The following SBDS variants were observed in gnomAD, a reference collection of about 807,000 sequenced individuals.
SBDS encodes ribosome maturation protein SBDS.
SBDS carries 20 observed loss-of-function variants against 26.4 expected under a neutral mutation model. The ratio of observed to expected loss-of-function variants is 0.76; its 90% CI spans 0.53 to 1.10. The LOEUF is 1.10. SBDS is among the 50% of genes least tolerant of loss of function. The probability of loss-of-function intolerance (pLI) is 0.00; values close to 1 mark genes in which losing one functional copy is unlikely to be tolerated. For synonymous variants in SBDS, 95 were observed against 105.1 expected (o/e 0.90, Z 0.59); for missense variants, 241 against 302.0 (o/e 0.80, Z 1.50).
intron 2 of SBDS, 130 bp from the exon 3 acceptor site, chr7:66,993,547 G>A: frequency 1.3e-6 from 1 of 757,204 alleles, no homozygotes. Flanking sequence ...CTATCAATAT[G>A]TAAGTAATGG....
rs1792901211 is a variant in SBDS, at chr7:66,987,913, C to T, written c.*458G>A. 2 of 217,664 alleles carry T rather than the reference C, an allele frequency of 9.2e-6. No homozygotes were observed. The highest frequency in any genetic ancestry group is 5.5e-5 in the Admixed American group (1 of 18,312). 13.5% of individuals were successfully genotyped at this position (217,664 alleles called of 1,614,324 possible). A position where few individuals can be genotyped will look rare whatever the true frequency, so the allele number is the denominator to read the frequency against. On this transcript the variant is annotated 3_prime_UTR_variant, in exon 5 of 5. Transcript: ENST00000246868. ...GGAACATCATCCAAGCTTTACATTACGATACCATAATGACCCTCAGAACAC... is the reference window on the plus strand; with the variant it reads ...GGAACATCATCCAAGCTTTACATTATGATACCATAATGACCCTCAGAACAC...
chr7:66,988,273 A>C lies in SBDS; in HGVS notation c.*98T>G, dbSNP rs1393952884. On this transcript the variant is annotated 3_prime_UTR_variant, in exon 5 of 5. Transcript: ENST00000246868. ...GTTAACACAAAGATAGAAAATGTCA[A>C]ATAGTTTAAGCAAGTATTTGGCAGA... 23 of 1,320,896 alleles carry C rather than the reference A, an allele frequency of 1.7e-5. No homozygotes were observed. The highest frequency in any genetic ancestry group is 2.5e-5 in the Non-Finnish European group (23 of 927,864). 81.8% of individuals were successfully genotyped at this position (1,320,896 alleles called of 1,614,324 possible).
rs1044385030 is a variant in SBDS, at chr7:66,995,193, C to A, written c.128+97G>T. On this transcript the variant is annotated intron_variant, in intron 1 of 4. Transcript: ENST00000246868. ...GTTCCATTTCCTCCCCGGCCAACACCCCAGCCTGGCCCATTCACTCGACTT... is the reference window on the plus strand; with the variant it reads ...GTTCCATTTCCTCCCCGGCCAACACACCAGCCTGGCCCATTCACTCGACTT... The A allele has an allele frequency of 4.5e-6, 7 of 1,550,142 alleles. No homozygotes were observed. In the African/African-American group the frequency reaches 9.5e-5, roughly 21 times the overall value.
chr7:66,994,351 G>A lies in SBDS; in HGVS notation c.129-10C>T. 1 of 1,612,748 alleles carries A rather than the reference G, an allele frequency of 6.2e-7. No individual in the cohort carries two copies. Among genetic ancestry groups the A allele is most frequent in the Non-Finnish European group, 8.5e-7 (1 of 1,178,982 alleles). On this transcript the variant is annotated splice_polypyrimidine_tract_variant and intron_variant, in intron 1 of 4. Coordinates refer to ENST00000246868, the MANE Select transcript of SBDS (RefSeq NM_016038.4). ...ATCGAGGTCTTTTTCCCTTGTGAGGGCAGGAGAGAAAGTCCTATGTGAATA... is the reference window on the plus strand; with the variant it reads ...ATCGAGGTCTTTTTCCCTTGTGAGGACAGGAGAGAAAGTCCTATGTGAATA...
chr7:66,992,408 A>C (rs1387539134), intron 3 of SBDS, among the ~76,000 whole-genome samples: 3 of 152,180 alleles, frequency 2.0e-5, no homozygotes, highest in Admixed American at 6.6e-5. Context: ...GGAAGGTTCC[A>C]AAACTTTGTT....
At chr7:66,989,326 A>G (rs1792928081) in intron 4 of SBDS, among the ~76,000 whole-genome samples, 1 of 151,800 alleles carries the variant, frequency 6.6e-6, no homozygotes, top group African/African-American at 2.4e-5. Context: ...CGGGTGGATC[A>G]CCTGAGGTCG....
At position 66,995,281 on chromosome 7, in the gene SBDS, G is replaced by T. The variant is rs371417670; in HGVS notation, c.128+9C>A. ...CCCAGGCCCAGGCCCGAGGGAGGGGGCTACTCACACGCCGCTCCGCCAGCC... is the reference window on the plus strand; with the variant it reads ...CCCAGGCCCAGGCCCGAGGGAGGGGTCTACTCACACGCCGCTCCGCCAGCC... On this transcript the variant is annotated intron_variant, in intron 1 of 4. Coordinates refer to ENST00000246868, the MANE Select transcript of SBDS (RefSeq NM_016038.4). 2.3e-5 allele frequency: 37 copies of T among 1,613,506 alleles called. No homozygotes were observed. The highest frequency in any genetic ancestry group is 3.0e-5 in the Non-Finnish European group (35 of 1,179,960).
rs761617920 is a variant in SBDS, at chr7:66,988,328, C to T, written c.*43G>A. The T allele has an allele frequency of 7.5e-6, 12 of 1,606,518 alleles. No homozygotes were observed. The highest frequency in any genetic ancestry group is 1.7e-5 in the Admixed American group (1 of 59,966). The stretch of plus-strand genomic sequence containing the variant: ...AGACATGAAACAGTGCCGTCGGAAA[C>T]GGAAACACTTTAGTGTTTTAGAGGT... On this transcript the variant is annotated 3_prime_UTR_variant, in exon 5 of 5. Coordinates refer to ENST00000246868, the MANE Select transcript of SBDS (RefSeq NM_016038.4).
intron 1 of SBDS, 77 bp from the exon 2 acceptor site, chr7:66,994,418 G>A: frequency 1.6e-6 from 2 of 1,270,630 alleles, no homozygotes; most frequent in South Asian, 1.2e-5. Context: ...AATACGAGAT[G>A]GCAACAACAT....
intron 4 of SBDS, among the ~76,000 whole-genome samples, chr7:66,990,020 C>CTTTTTT (rs71293171): frequency 7.1e-6 from 1 of 141,396 alleles, no homozygotes; most frequent in Non-Finnish European, 1.5e-5. Flanking sequence ...AGAATTCAAT[C>CTTTTTT]TTTTTTTTTT....
chr7:66,990,101 C>A (rs1429364605), intron 4 of SBDS, among the ~76,000 whole-genome samples: 1 of 151,268 alleles, frequency 6.6e-6, no homozygotes, highest in Admixed American at 6.6e-5. Flanking sequence ...CTCACCGCAA[C>A]CTCTGCCTTC....
intron 4 of SBDS, among the ~76,000 whole-genome samples, chr7:66,989,274 G>A (rs1167961574): frequency 3.3e-5 from 5 of 151,902 alleles, no homozygotes; most frequent in Admixed American, 6.6e-5. Context: ...GACAGGGCGC[G>A]GTGGCTCAAG....
chr7:66,993,845 C>G (rs893396201), intron 2 of SBDS, among the ~76,000 whole-genome samples: 5 of 151,568 alleles, frequency 3.3e-5, no homozygotes, highest in African/African-American at 1.2e-4. Context: ...GTGCACTGCA[C>G]TCCAGCCTGG....
rs113993996 is a variant in SBDS at position 66,991,256 on chromosome 7, G to A, written c.505C>T (p.Arg169Cys). Residue 169 changes from arginine (R) to cysteine (C), a missense_variant, in exon 4 of 5, where the codon CGT becomes TGT. Coordinates refer to ENST00000246868, the MANE Select transcript of SBDS (RefSeq NM_016038.4). Reference sequence around the variant, plus strand: ...ATGAACCGAAGCCTCATGTGAGCACGTTCTATCTTCATTTTCTCTTTTAAC... The same window carrying A: ...ATGAACCGAAGCCTCATGTGAGCACATTCTATCTTCATTTTCTCTTTTAAC... ...KQLKEKMKIE[R>C]AHMRLRFILP... 15 of 1,613,264 alleles carry A rather than the reference G, an allele frequency of 9.3e-6. No individual in the cohort carries two copies. Among genetic ancestry groups the A allele is most frequent in the East Asian group, 2.2e-5 (1 of 44,880 alleles).
At position 66,995,210 on chromosome 7, in the gene SBDS, A is replaced by G. The variant is rs60712404; in HGVS notation, c.128+80T>C. 0.011 allele frequency: 16,862 copies of G among 1,591,180 alleles called. 1,475 individuals are homozygous for G. The African/African-American group carries it at 0.19, about 18-fold the overall frequency. Reference sequence around the variant, plus strand: ...GCCAACACCCCAGCCTGGCCCATTCACTCGACTTGGGCAGAGACAGGCCGC... The same window carrying G: ...GCCAACACCCCAGCCTGGCCCATTCGCTCGACTTGGGCAGAGACAGGCCGC... On this transcript the variant is annotated intron_variant, in intron 1 of 4. Coordinates refer to ENST00000246868, the MANE Select transcript of SBDS (RefSeq NM_016038.4).
intron 3 of SBDS, among the ~76,000 whole-genome samples, chr7:66,992,101 A>ACC (rs1792987499): frequency 6.6e-6 from 1 of 152,370 alleles, no homozygotes; most frequent in South Asian, 2.1e-4. Flanking sequence ...AGTGAAAGCA[A>ACC]CCCAATGTCT....
rs774761244 is a variant in SBDS at position 66,993,409 on chromosome 7, A to C, written c.267T>G (p.Thr89=). 5 of 1,613,502 alleles carry C rather than the reference A, an allele frequency of 3.1e-6. No individual in the cohort carries two copies. In the African/African-American group the frequency reaches 5.3e-5, roughly 17 times the overall value. The change falls in exon 3 of 5, where the codon ACT becomes ACG. Residue 89 remains threonine, a synonymous_variant. Coordinates refer to ENST00000246868, the MANE Select transcript of SBDS (RefSeq NM_016038.4). ...TATCTGATACTTGAACTTCTCCTTT[A>C]GTCAAAATCTAAAAAAATGCCAACA... The part of the protein sequence containing the change: ...DQTEICKQIL[T]KGEVQVSDKE...
intron 1 of SBDS, among the ~76,000 whole-genome samples, 193 bp from the exon 2 acceptor site, chr7:66,994,534 G>A (rs1183287204): frequency 1.3e-5 from 2 of 148,692 alleles, no homozygotes; most frequent in African/African-American, 2.5e-5. Flanking sequence ...CACTGTTTTT[G>A]CCCAGGCTGG....
At chr7:66,990,792 G>A (rs527301055) in intron 4 of SBDS, among the ~76,000 whole-genome samples, 34 of 152,220 alleles carry the variant, frequency 2.2e-4, no homozygotes, top group African/African-American at 7.7e-4. Flanking sequence ...TGAGGCAGGT[G>A]GATCATGAGG....
Sources: gnomAD v4.1 joint callset for allele counts (sites outside exome capture counted in the v4.1 genomes callset) on GRCh38, gnomAD v4.1.1 for gene constraint, MANE v1.5 for transcripts, NCBI Gene and HGNC (gene_info 2026-07-23, HGNC 2026-07-21) for gene names.